The following PDE6A variants were observed in gnomAD, a reference collection of about 807,000 sequenced individuals.
The protein encoded by PDE6A is rod cGMP-specific 3',5'-cyclic phosphodiesterase subunit alpha.
Under a neutral mutation model 106.3 loss-of-function variants are expected in PDE6A, and 84 were observed. The observed-to-expected ratio is 0.79, with a 90% CI of 0.66 to 0.95. PDE6A has a LOEUF of 0.95. Among genes scored for constraint, PDE6A ranks in the 40% least tolerant of loss-of-function variants. PDE6A has a pLI of 0.00. For missense variants in PDE6A, 1,052 were observed against 1,084.9 expected (o/e 0.97, Z 0.43); for synonymous variants, 394 against 386.6 (o/e 1.02, Z -0.23).
chr5:149,919,434 G>A (rs1753641869), intron 5 of PDE6A, among the ~76,000 whole-genome samples: 1 of 152,204 alleles, frequency 6.6e-6, no homozygotes, highest in African/African-American at 2.4e-5. Flanking sequence ...CTTGAGCCCA[G>A]GAGGCGGAGG....
intron 4 of PDE6A, among the ~76,000 whole-genome samples, chr5:149,924,204 T>C (rs1164070292): frequency 2.0e-5 from 3 of 151,930 alleles, no homozygotes; most frequent in African/African-American, 4.8e-5. Context: ...TAACTAATAG[T>C]GAGGTAAATG....
Position 149,860,667 on chromosome 5 carries a change from G to A in PDE6A, c.*228C>T. ...TTTTTTTGGCGATTTTTTTTTTTAA[G>A]TTCAACAGCTATCATTAGTGTTACT... On this transcript the variant is annotated 3_prime_UTR_variant, in exon 22 of 22. Transcript: ENST00000255266. 2.7e-6 allele frequency: 1 copy of A among 368,192 alleles called. No homozygotes were observed. Among genetic ancestry groups the A allele is most frequent in the South Asian group, 7.7e-5 (1 of 13,016 alleles). The allele number at this position is 368,192 out of a possible 1,614,324, so 22.8% of individuals were successfully genotyped here.
At chr5:149,902,966 G>T (rs878855515) in intron 8 of PDE6A, among the ~76,000 whole-genome samples, 2 of 151,866 alleles carry the variant, frequency 1.3e-5, no homozygotes, top group Admixed American at 1.3e-4. Context: ...TTGAACAGGA[G>T]ATGATAGGGA....
intron 4 of PDE6A, among the ~76,000 whole-genome samples, chr5:149,928,209 C>CCATATATATATATATATATATA (rs1554091926): frequency 6.7e-5 from 3 of 44,558 alleles, no homozygotes; most frequent in African/African-American, 2.7e-4. Flanking sequence ...ATTGTATGTG[C>CCATATATATATATATATATATA]TATATATATA....
chr5:149,875,902 C>T (rs560198261), intron 17 of PDE6A, among the ~76,000 whole-genome samples: 1 of 152,126 alleles, frequency 6.6e-6, no homozygotes, highest in African/African-American at 2.4e-5. Context: ...CTCTGTAAAC[C>T]TCTATTTCCA....
At chr5:149,932,755 G>T in intron 3 of PDE6A, 2 of 1,121,732 alleles carry the variant, frequency 1.8e-6, no homozygotes, top group Non-Finnish European at 2.6e-6. Context: ...CGGCTTCTGT[G>T]CTTCATATTA....
chr5:149,912,689 T>G (rs946212145), intron 6 of PDE6A, among the ~76,000 whole-genome samples: 6 of 152,160 alleles, frequency 3.9e-5, no homozygotes, highest in Admixed American at 2.6e-4. Context: ...ACCCGCTAGC[T>G]GGCAGTGCAC....
rs763711708 is a variant in PDE6A at position 149,928,817 on chromosome 5, A to AT, written c.858+2210dup. ...TCAGTGAGATAAAAAAGACAATGTG[A>AT]TTTTTTTAAATGGAGGAGAAACTTG... On this transcript the variant is annotated intron_variant, in intron 4 of 21. Transcript: ENST00000255266. Among the ~76,000 whole-genome samples, 150 of 152,306 alleles carry AT rather than the reference A, an allele frequency of 9.8e-4. 1 individual carries two copies. The highest frequency in any genetic ancestry group is 2.5e-3 in the Admixed American group (38 of 15,290).
Position 149,910,301 on chromosome 5 carries a change from T to C in PDE6A, c.999-2923A>G, listed in dbSNP as rs189684665. Reference sequence around the variant, plus strand: ...TATGTTCAACCTCTTTGTATTCTCTTTCAGATTAGTCTCCTGTAAACAGGA... The same window carrying C: ...TATGTTCAACCTCTTTGTATTCTCTCTCAGATTAGTCTCCTGTAAACAGGA... On this transcript the variant is annotated intron_variant, in intron 6 of 21. Coordinates refer to ENST00000255266, the MANE Select transcript of PDE6A (RefSeq NM_000440.3). Among the ~76,000 whole-genome samples the C allele has an allele frequency of 6.3e-4, 96 of 152,322 alleles. 1 individual carries two copies. Among genetic ancestry groups the C allele is most frequent in the Non-Finnish European group, 1.2e-3 (82 of 68,020 alleles).
intron 1 of PDE6A, among the ~76,000 whole-genome samples, chr5:149,943,261 C>T (rs546888009): frequency 2.4e-4 from 37 of 152,346 alleles, no homozygotes; most frequent in African/African-American, 8.4e-4. Flanking sequence ...TAACAAAGCA[C>T]ATCCTGCACA....
At chr5:149,925,653 G>A (rs182602448) in intron 4 of PDE6A, among the ~76,000 whole-genome samples, 1 of 143,394 alleles carries the variant, frequency 7.0e-6, no homozygotes, top group East Asian at 2.1e-4. Context: ...GTTGCAGTGA[G>A]CCAAGATCAT....
chr5:149,916,439 C>T (rs1030815129), intron 5 of PDE6A, among the ~76,000 whole-genome samples: 1 of 152,170 alleles, frequency 6.6e-6, no homozygotes, highest in Non-Finnish European at 1.5e-5. Flanking sequence ...CCCATTTCTC[C>T]TTCATGCCTA....
At chr5:149,915,807 G>A (rs1463016281) in intron 5 of PDE6A, among the ~76,000 whole-genome samples, 2 of 152,114 alleles carry the variant, frequency 1.3e-5, no homozygotes, top group Non-Finnish European at 2.9e-5. Context: ...GGCTGCTTAC[G>A]CTACCTGCTG....
chr5:149,918,615 T>G (rs1447822500), intron 5 of PDE6A, among the ~76,000 whole-genome samples: 1 of 152,114 alleles, frequency 6.6e-6, no homozygotes, highest in Non-Finnish European at 1.5e-5. Flanking sequence ...TTTATTTTAT[T>G]AATTTACTTT....
At chr5:149,908,579 T>G (rs1022359273) in intron 6 of PDE6A, among the ~76,000 whole-genome samples, 4 of 152,246 alleles carry the variant, frequency 2.6e-5, no homozygotes, top group Non-Finnish European at 5.9e-5. Context: ...TGGAGTAACT[T>G]CCATAAATGT....
At chr5:149,865,502 C>T (rs776574902) in intron 20 of PDE6A, among the ~76,000 whole-genome samples, 2 of 152,098 alleles carry the variant, frequency 1.3e-5, no homozygotes, top group East Asian at 1.9e-4. Context: ...CACTGTGTCC[C>T]GTGGGTCAGA....
At chr5:149,873,308 G>T (rs1479865794) in intron 17 of PDE6A, among the ~76,000 whole-genome samples, 1 of 151,090 alleles carries the variant, frequency 6.6e-6, no homozygotes, top group East Asian at 1.9e-4. Context: ...AATTTCTTAT[G>T]ATTTTCATTT....
Position 149,859,815 on chromosome 5 carries a change from G to A in PDE6A, c.*1080C>T, listed in dbSNP as rs1301333372. The A allele has an allele frequency of 6.6e-6, 1 of 152,262 alleles. No individual in the cohort carries two copies. Among genetic ancestry groups the A allele is most frequent in the Admixed American group, 6.5e-5 (1 of 15,282 alleles). The allele number at this position is 152,262 out of a possible 1,614,324, so 9.4% of individuals were successfully genotyped here. On this transcript the variant is annotated 3_prime_UTR_variant, in exon 22 of 22. Coordinates refer to ENST00000255266, the MANE Select transcript of PDE6A (RefSeq NM_000440.3). ...GGTATTAGGCAGGCATTGGTTGCAT[G>A]GGCCAGTGATGTGGTTATGTTAGAA...
rs189073847 is a variant in PDE6A at position 149,908,813 on chromosome 5, C to A, written c.999-1435G>T. Among the ~76,000 whole-genome samples the A allele has an allele frequency of 3.9e-5, 6 of 152,088 alleles. No individual in the cohort carries two copies. The East Asian group carries it at 9.7e-4, about 24-fold the overall frequency. ...GGGAGGATCACTGGAAACCAAGAGT[C>A]CAGGGCCAGCCTGGGCAACATAGGG... On this transcript the variant is annotated intron_variant, in intron 6 of 21. Coordinates refer to ENST00000255266, the MANE Select transcript of PDE6A (RefSeq NM_000440.3).
Sources: allele counts gnomAD v4.1 joint callset (sites outside exome capture counted in the v4.1 genomes callset), GRCh38; gene constraint gnomAD v4.1.1; transcripts MANE v1.5; gene names NCBI Gene and HGNC (gene_info 2026-07-23, HGNC 2026-07-21).